Variants in CLEC1A observed in about 807,000 individuals in gnomAD.
CLEC1A encodes the protein C-type lectin-like receptor-1.
Under a neutral mutation model 28.7 loss-of-function variants are expected in CLEC1A, and 34 were observed. The ratio of observed to expected loss-of-function variants is 1.18; its 90% confidence interval spans 0.90 to 1.57. CLEC1A has a LOEUF of 1.57. Ranked by LOEUF, CLEC1A falls within the 40% of genes most tolerant of loss-of-function variation. The probability of loss-of-function intolerance (pLI) is 0.00; values close to 1 mark genes in which losing one functional copy is unlikely to be tolerated. For synonymous variants in CLEC1A, 116 were observed against 121.0 expected (o/e 0.96, Z 0.27); for missense variants, 385 against 339.5 (o/e 1.13, Z -1.05).
chr12:10,078,287 T>C (rs1866296276), intron 3 of CLEC1A, among the ~76,000 whole-genome samples: 1 of 152,234 alleles, frequency 6.6e-6, no homozygotes, highest in South Asian at 2.1e-4. Flanking sequence ...CCTAATGCTG[T>C]ACATTATCTC....
chr12:10,090,617 T>C (rs978167635), intron 1 of CLEC1A, among the ~76,000 whole-genome samples: 3 of 151,998 alleles, frequency 2.0e-5, no homozygotes, highest in African/African-American at 4.8e-5. Flanking sequence ...GAATGATAAC[T>C]AGTAAAGAAT....
At chr12:10,089,581 G>A (rs984729973) in intron 1 of CLEC1A, among the ~76,000 whole-genome samples, 4 of 151,908 alleles carry the variant, frequency 2.6e-5, no homozygotes, top group African/African-American at 9.7e-5. Context: ...CTGAAACACA[G>A]CCTGAGAATC....
At chr12:10,080,343 A>C (rs762047095) in intron 3 of CLEC1A, among the ~76,000 whole-genome samples, 1 of 152,134 alleles carries the variant, frequency 6.6e-6, no homozygotes, top group Non-Finnish European at 1.5e-5. Flanking sequence ...AAAAAGAAAA[A>C]TTAGTAAATA....
chr12:10,096,409 C>G (rs1240866649), intron 1 of CLEC1A, among the ~76,000 whole-genome samples: 1 of 152,144 alleles, frequency 6.6e-6, no homozygotes, highest in Non-Finnish European at 1.5e-5. Context: ...CTTATTTTTA[C>G]TATACTGCCT....
At chr12:10,071,879 T>C (rs1185630321) in intron 5 of CLEC1A, among the ~76,000 whole-genome samples, 3 of 152,236 alleles carry the variant, frequency 2.0e-5, no homozygotes, top group African/African-American at 4.8e-5. Flanking sequence ...AATAATGATA[T>C]ATTGTATATA....
chr12:10,095,017 C>T (rs1425593799), intron 1 of CLEC1A, among the ~76,000 whole-genome samples: 1 of 152,102 alleles, frequency 6.6e-6, no homozygotes, highest in Non-Finnish European at 1.5e-5. Context: ...GATTTAATAG[C>T]ACTAAATGAC....
At chr12:10,073,499 C>G (rs1299291192) in intron 4 of CLEC1A, 88 bp from the exon 5 acceptor site, 4 of 883,878 alleles carry the variant, frequency 4.5e-6, no homozygotes, top group Non-Finnish European at 7.3e-6. Context: ...GCACTTTTCT[C>G]AAAGCACACA....
intron 1 of CLEC1A, among the ~76,000 whole-genome samples, chr12:10,095,734 TCA>T (rs1473809580): frequency 2.6e-5 from 4 of 152,198 alleles, no homozygotes; most frequent in East Asian, 3.8e-4. Flanking sequence ...TTTTTAAAAC[TCA>T]CAGTCATTAT....
chr12:10,088,958 T>G (rs1293931186), intron 2 of CLEC1A, among the ~76,000 whole-genome samples, 166 bp downstream of exon 2: 1 of 148,464 alleles, frequency 6.7e-6, no homozygotes, highest in Non-Finnish European at 1.5e-5. Context: ...TTTTTACTTC[T>G]TCTTCCATTA....
intron 3 of CLEC1A, among the ~76,000 whole-genome samples, chr12:10,080,019 T>C (rs1866333303): frequency 6.6e-6 from 1 of 152,012 alleles, no homozygotes; most frequent in Non-Finnish European, 1.5e-5. Flanking sequence ...GAAAAATTTG[T>C]AAATAAATGC....
rs539376091 is a variant in CLEC1A at position 10,097,644 on chromosome 12, G to A, written c.115+1164C>T. ...CCTTCAACCTCAGCAGAACTTATTT[G>A]TACATGCTGTTCTTAATTATGCTGA... On this transcript the variant is annotated intron_variant, in intron 1 of 5. Coordinates refer to ENST00000315330, the MANE Select transcript of CLEC1A (RefSeq NM_016511.4). 1.4e-4 allele frequency among the ~76,000 whole-genome samples: 21 copies of A among 152,240 alleles called. No homozygotes were observed. The East Asian group carries it at 4.0e-3, about 29-fold the overall frequency.
chr12:10,088,375 A>C (rs1866544484), intron 2 of CLEC1A, among the ~76,000 whole-genome samples: 1 of 130,618 alleles, frequency 7.7e-6, no homozygotes, highest in Non-Finnish European at 1.7e-5. Context: ...TTCCTATAAA[A>C]CCCAATTTTT....
rs945882936 is a variant in CLEC1A at position 10,071,004 on chromosome 12, G to C, written c.*329C>G. 1.1e-5 allele frequency: 2 copies of C among 179,894 alleles called. No individual in the cohort carries two copies. Among genetic ancestry groups the C allele is most frequent in the Non-Finnish European group, 2.3e-5 (2 of 87,046 alleles). The allele number at this position is 179,894 out of a possible 1,614,324, so 11.1% of individuals were successfully genotyped here. A position where few individuals can be genotyped will look rare whatever the true frequency, so the allele number is the denominator to read the frequency against. On this transcript the variant is annotated 3_prime_UTR_variant, in exon 6 of 6. Coordinates refer to ENST00000315330, the MANE Select transcript of CLEC1A (RefSeq NM_016511.4). The stretch of plus-strand genomic sequence containing the variant: ...TTCAAAAAGTTTCTTATTCCACCAA[G>C]TGTAAGGAAGACATGAAAACAGGGA...
intron 5 of CLEC1A, 90 bp downstream of exon 5, chr12:10,073,203 A>T: frequency 1.1e-6 from 1 of 894,820 alleles, no homozygotes; most frequent in Non-Finnish European, 1.8e-6. Context: ...AAGTTTGATT[A>T]ATACTTGATG....
At chr12:10,081,965 TAGA>T (rs1866381003) in intron 2 of CLEC1A, among the ~76,000 whole-genome samples, 1 of 151,840 alleles carries the variant, frequency 6.6e-6, no homozygotes, top group Admixed American at 6.6e-5. Flanking sequence ...AATATAAAAG[TAGA>T]AGAAGCAGAG....
intron 2 of CLEC1A, among the ~76,000 whole-genome samples, chr12:10,082,482 A>C (rs1029420438): frequency 6.6e-6 from 1 of 152,068 alleles, no homozygotes; most frequent in Non-Finnish European, 1.5e-5. Context: ...ACCAACCCCC[A>C]TCCCCCACAG....
At chr12:10,086,035 C>A (rs184661452) in intron 2 of CLEC1A, among the ~76,000 whole-genome samples, 2 of 151,818 alleles carry the variant, frequency 1.3e-5, no homozygotes, top group African/African-American at 4.8e-5. Context: ...TACAAGGCAC[C>A]CTGAAAACTA....
chr12:10,079,757 C>T (rs866160611), intron 3 of CLEC1A, among the ~76,000 whole-genome samples: 7 of 151,350 alleles, frequency 4.6e-5, no homozygotes, highest in African/African-American at 1.2e-4. Flanking sequence ...AGATGGAGAC[C>T]GCAGGGAGCC....
At chr12:10,085,196 A>AACACACACACACACAC (rs144572464) in intron 2 of CLEC1A, among the ~76,000 whole-genome samples, 2 of 129,076 alleles carry the variant, frequency 1.5e-5, no homozygotes, top group East Asian at 4.7e-4. Context: ...ATAAGACAAT[A>AACACACACACACACAC]ACACACACAC....
Sources: allele counts gnomAD v4.1 joint callset (sites outside exome capture counted in the v4.1 genomes callset), GRCh38; gene constraint gnomAD v4.1.1; transcripts MANE v1.5; gene names NCBI Gene and HGNC (gene_info 2026-07-23, HGNC 2026-07-21).